The following MALRD1 variants were observed in gnomAD, a reference collection of about 807,000 sequenced individuals.
MALRD1 encodes the protein MAM and LDL-receptor class A domain-containing protein 1.
A neutral mutation model predicts 242.1 loss-of-function variants in MALRD1; 247 were observed. That is an observed-to-expected ratio of 1.02 (90% CI 0.92 to 1.13). MALRD1 has a LOEUF of 1.13. Among genes scored for constraint, MALRD1 ranks in the 50% most tolerant of loss-of-function variants. The probability of loss-of-function intolerance (pLI) is 0.00; values close to 1 mark genes in which losing one functional copy is unlikely to be tolerated. For missense variants in MALRD1, 2,989 were observed against 2,533.1 expected, an observed-to-expected ratio of 1.18 and a Z score of -3.86; for synonymous variants, 995 against 866.6, an observed-to-expected ratio of 1.15 and a Z score of -2.60.
At chr10:19,201,040 G>A (rs911334123) in intron 14 of MALRD1, among the ~76,000 whole-genome samples, 2 of 152,036 alleles carry the variant, frequency 1.3e-5, no homozygotes, top group African/African-American at 4.8e-5. Flanking sequence ...TGAGGATTCC[G>A]TTGATGATAA....
intron 1 of MALRD1, among the ~76,000 whole-genome samples, chr10:19,050,083 CTTTT>C (rs34692209): frequency 3.3e-5 from 3 of 90,574 alleles, no homozygotes; most frequent in African/African-American, 4.7e-5. Flanking sequence ...CATATGTCTT[CTTTT>C]TTTTTTTTTT....
intron 28 of MALRD1, among the ~76,000 whole-genome samples, chr10:19,421,910 C>T (rs1833731829): frequency 6.6e-6 from 1 of 152,072 alleles, no homozygotes; most frequent in East Asian, 1.9e-4. Context: ...GTGTTTGTGC[C>T]AAGAAGGATG....
At chr10:19,472,842 GT>G (rs893848398) in intron 29 of MALRD1, among the ~76,000 whole-genome samples, 5 of 150,594 alleles carry the variant, frequency 3.3e-5, no homozygotes, top group East Asian at 1.9e-4. Flanking sequence ...CAAACTTGTA[GT>G]TTTTTTATCT....
At chr10:19,698,687 A>T (rs1386365018) in intron 38 of MALRD1, among the ~76,000 whole-genome samples, 1 of 152,188 alleles carries the variant, frequency 6.6e-6, no homozygotes, top group Non-Finnish European at 1.5e-5. Context: ...TGCCTAGAAA[A>T]CAGGTGCAAA....
At chr10:19,703,936 G>A (rs919770191) in intron 38 of MALRD1, among the ~76,000 whole-genome samples, 2 of 151,782 alleles carry the variant, frequency 1.3e-5, no homozygotes, top group Non-Finnish European at 2.9e-5. Context: ...CAAAATAAAG[G>A]GTAAAAATAA....
At chr10:19,489,884 C>G (rs1469520728) in intron 29 of MALRD1, among the ~76,000 whole-genome samples, 1 of 152,144 alleles carries the variant, frequency 6.6e-6, no homozygotes, top group Non-Finnish European at 1.5e-5. Flanking sequence ...TGTGTAGCCT[C>G]TTTGGTTGTG....
intron 28 of MALRD1, among the ~76,000 whole-genome samples, chr10:19,443,202 TTC>T (rs1355117224): frequency 1.3e-5 from 2 of 152,220 alleles, no homozygotes; most frequent in African/African-American, 4.8e-5. Flanking sequence ...TATTTGATTC[TTC>T]TCTCTTTTCT....
chr10:19,122,958 T>G (rs1837118344), intron 5 of MALRD1, among the ~76,000 whole-genome samples: 1 of 152,134 alleles, frequency 6.6e-6, no homozygotes, highest in Non-Finnish European at 1.5e-5. Context: ...ACTCCTGACC[T>G]CAGGTGATCC....
intron 18 of MALRD1, among the ~76,000 whole-genome samples, chr10:19,238,656 TA>T (rs1297909803): frequency 7.0e-6 from 1 of 142,198 alleles, no homozygotes; most frequent in East Asian, 2.0e-4. Context: ...GAAATAGTGC[TA>T]CAGTAAACAT....
intron 29 of MALRD1, among the ~76,000 whole-genome samples, chr10:19,462,571 G>T (rs1836001334): frequency 1.3e-5 from 2 of 152,158 alleles, no homozygotes; most frequent in African/African-American, 4.8e-5. Flanking sequence ...GCCTCACCAT[G>T]CCTAAATATT....
intron 29 of MALRD1, among the ~76,000 whole-genome samples, chr10:19,473,981 C>A (rs1021834430): frequency 6.6e-6 from 1 of 152,158 alleles, no homozygotes; most frequent in Non-Finnish European, 1.5e-5. Context: ...TTCACCAACA[C>A]ACATATTTTC....
intron 11 of MALRD1, among the ~76,000 whole-genome samples, chr10:19,148,661 AG>A (rs1196293540): frequency 1.3e-5 from 2 of 151,594 alleles, no homozygotes; most frequent in African/African-American, 4.8e-5. Flanking sequence ...TTTTCCGGTG[AG>A]ATGAAGAATA....
chr10:19,352,050 C>T lies in MALRD1; in HGVS notation c.4194C>T (p.Leu1398=), dbSNP rs1018363887. Reference sequence around the variant, plus strand: ...TGTATGGAAATGGCATTGGGGCACTCACCTTAATGCAGGTGTCAGTCACAA... The same window carrying T: ...TGTATGGAAATGGCATTGGGGCACTTACCTTAATGCAGGTGTCAGTCACAA... The part of the protein sequence containing the change: ...YHMYGNGIGA[L]TLMQVSVTNQ... Residue 1398 remains leucine (L), a synonymous_variant, in exon 26 of 40, where the codon CTC becomes CTT. Transcript: ENST00000454679. 2.6e-6 allele frequency: 4 copies of T among 1,550,170 alleles called. No individual in the cohort carries two copies. Among genetic ancestry groups the T allele is most frequent in the Non-Finnish European group, 3.5e-6 (4 of 1,146,780 alleles).
rs140131162 is a variant in MALRD1 at position 19,113,689 on chromosome 10, T to C, written c.694+9614T>C. ...TTGTTTTTGATATGTCCTTCCACCA[T>C]TTATGCTCAGGTTTCTGAGCAAAAG... On this transcript the variant is annotated intron_variant, in intron 5 of 39. Coordinates refer to ENST00000454679, the MANE Select transcript of MALRD1 (RefSeq NM_001142308.3). 1.8e-4 allele frequency among the ~76,000 whole-genome samples: 27 copies of C among 151,970 alleles called. No individual in the cohort carries two copies. The East Asian group carries it at 4.8e-3, about 27-fold the overall frequency.
chr10:19,128,321 C>T lies in MALRD1; in HGVS notation c.1044C>T (p.Ser348=). The change falls in exon 8 of 40, where the codon AGC becomes AGT. Residue 348 remains serine, a synonymous_variant. Coordinates refer to ENST00000454679, the MANE Select transcript of MALRD1 (RefSeq NM_001142308.3). ...CTGTGTGTCATTGCCTGGGCAAGAG[C>T]TGTCATCTTCAATTCTATTATGCAA... ...NSSVCHCLGK[S]CHLQFYYAME... 2.4e-6 allele frequency: 3 copies of T among 1,233,404 alleles called. No homozygotes were observed. The highest frequency in any genetic ancestry group is 3.0e-6 in the Non-Finnish European group (3 of 987,784). The allele number at this position is 1,233,404 out of a possible 1,614,324, so 76.4% of individuals were successfully genotyped here.
At chr10:19,077,128 T>G (rs1835342500) in intron 2 of MALRD1, among the ~76,000 whole-genome samples, 1 of 152,028 alleles carries the variant, frequency 6.6e-6, no homozygotes, top group Non-Finnish European at 1.5e-5. Context: ...AAACTGGTTT[T>G]TGTATATTGA....
At chr10:19,476,366 T>A (rs905370840) in intron 29 of MALRD1, among the ~76,000 whole-genome samples, 1 of 152,184 alleles carries the variant, frequency 6.6e-6, no homozygotes, top group Non-Finnish European at 1.5e-5. Context: ...AGACCCAGAA[T>A]AATGAGTATT....
Position 19,357,042 on chromosome 10 carries a change from G to A in MALRD1, c.4441+4745G>A, listed in dbSNP as rs544197869. ...GGAGAATTGCTTGAACCTGGGAGGCGGAGGTTGCAGTGAGCTGAGATCTTG... is the reference window on the plus strand; with the variant it reads ...GGAGAATTGCTTGAACCTGGGAGGCAGAGGTTGCAGTGAGCTGAGATCTTG... On this transcript the variant is annotated intron_variant, in intron 26 of 39. Coordinates refer to ENST00000454679, the MANE Select transcript of MALRD1 (RefSeq NM_001142308.3). Among the ~76,000 whole-genome samples the A allele has an allele frequency of 1.1e-4, 16 of 151,846 alleles. No individual in the cohort carries two copies. The East Asian group carries it at 2.7e-3, about 26-fold the overall frequency.
chr10:19,731,595 G>T (rs549703749), intron 39 of MALRD1, among the ~76,000 whole-genome samples: 87 of 151,696 alleles, frequency 5.7e-4, no homozygotes, highest in African/African-American at 2.0e-3. Context: ...CTATACATTA[G>T]ATCCCCAGAA....
Sources: gnomAD v4.1 joint callset for allele counts (sites outside exome capture counted in the v4.1 genomes callset) on GRCh38, gnomAD v4.1.1 for gene constraint, MANE v1.5 for transcripts, NCBI Gene and HGNC (gene_info 2026-07-23, HGNC 2026-07-21) for gene names.